Variants in CTNNA3 observed in about 807,000 individuals in gnomAD.
The protein encoded by CTNNA3 is catenin alpha-3.
CTNNA3 carries 76 observed loss-of-function variants against 95.7 expected under a neutral mutation model. That is an observed-to-expected ratio of 0.79 (90% CI 0.66 to 0.96). The LOEUF is 0.96. Among genes scored for constraint, CTNNA3 ranks in the 40% least tolerant of loss-of-function variants. CTNNA3 has a pLI of 0.00. For synonymous variants in CTNNA3, 431 were observed against 374.4 expected (o/e 1.15, Z -1.74); for missense variants, 1,191 against 1,089.8 (o/e 1.09, Z -1.31).
intron 10 of CTNNA3, among the ~76,000 whole-genome samples, chr10:66,556,408 A>T (rs1842390988): frequency 6.6e-6 from 1 of 151,990 alleles, no homozygotes; most frequent in African/African-American, 2.4e-5. Flanking sequence ...AGATTTCTGT[A>T]CCCCTATGTT....
At chr10:67,339,526 A>G (rs1842105730) in intron 5 of CTNNA3, among the ~76,000 whole-genome samples, 1 of 152,218 alleles carries the variant, frequency 6.6e-6, no homozygotes, top group South Asian at 2.1e-4. Flanking sequence ...GTTAATGTTT[A>G]TCCAACTCCG....
intron 12 of CTNNA3, 70 bp downstream of exon 12, chr10:66,379,082 G>A: frequency 3.2e-6 from 4 of 1,268,018 alleles, no homozygotes; most frequent in South Asian, 1.2e-5. Context: ...TTTCCCACAT[G>A]TATGAATATT....
chr10:66,466,197 CT>C (rs1838904350), intron 11 of CTNNA3, among the ~76,000 whole-genome samples: 1 of 151,986 alleles, frequency 6.6e-6, no homozygotes, highest in South Asian at 2.1e-4. Context: ...AACATCAACT[CT>C]TCCCTGGGTC....
intron 11 of CTNNA3, among the ~76,000 whole-genome samples, chr10:66,389,740 A>T (rs929226416): frequency 2.0e-5 from 3 of 151,484 alleles, no homozygotes; most frequent in Non-Finnish European, 4.4e-5. Context: ...AGAGAGAGAG[A>T]GAGAGAGAGA....
In CTNNA3 at chr10:66,539,137, T is replaced by C. The variant is rs145581004; in HGVS notation, c.1375-18364A>G. On this transcript the variant is annotated intron_variant, in intron 10 of 17. Transcript: ENST00000433211. ...CGACATTGGAAATGAGTCTCAATCATCAAGGTTTATTAGCCAGCTATAGTG... is the reference window on the plus strand; with the variant it reads ...CGACATTGGAAATGAGTCTCAATCACCAAGGTTTATTAGCCAGCTATAGTG... 1.2e-3 allele frequency among the ~76,000 whole-genome samples: 180 copies of C among 152,228 alleles called. 1 individual carries two copies. Among genetic ancestry groups the C allele is most frequent in the African/African-American group, 4.2e-3 (175 of 41,546 alleles).
chr10:66,830,762 A>G (rs1296196979), intron 7 of CTNNA3, among the ~76,000 whole-genome samples: 3 of 151,970 alleles, frequency 2.0e-5, no homozygotes, highest in East Asian at 1.9e-4. Context: ...GGCGCCCGCC[A>G]TCACGCCCGG....
At chr10:66,132,599 A>G (rs1194867604) in intron 13 of CTNNA3, among the ~76,000 whole-genome samples, 3 of 152,230 alleles carry the variant, frequency 2.0e-5, no homozygotes, top group Non-Finnish European at 4.4e-5. Context: ...ATATGCATGC[A>G]TATGTTTATT....
intron 1 of CTNNA3, among the ~76,000 whole-genome samples, chr10:67,711,211 A>G (rs1471076286): frequency 6.6e-6 from 1 of 152,198 alleles, no homozygotes; most frequent in African/African-American, 2.4e-5. Context: ...GTGGACTAAT[A>G]AAGTAAATTG....
At chr10:66,777,512 C>T (rs1031418016) in intron 7 of CTNNA3, among the ~76,000 whole-genome samples, 6 of 152,018 alleles carry the variant, frequency 3.9e-5, no homozygotes, top group African/African-American at 1.5e-4. Flanking sequence ...TTGTGGCTAC[C>T]TTCACAGCTC....
rs201311648 is a variant in CTNNA3 at position 66,775,555 on chromosome 10, G to T, written c.1048-31C>A. 4.8e-4 allele frequency: 703 copies of T among 1,461,718 alleles called. 2 individuals carry two copies. Among genetic ancestry groups the T allele is most frequent in the Non-Finnish European group, 6.1e-4 (647 of 1,055,272 alleles). 90.5% of individuals were successfully genotyped at this position (1,461,718 alleles called of 1,614,324 possible). A position where few individuals can be genotyped will look rare whatever the true frequency, so the allele number is the denominator to read the frequency against. ...AAGAAGAAAAAACGACATAAGCAAT[G>T]GTATCAATTAATCTTTATCACTTAG... On this transcript the variant is annotated intron_variant, in intron 7 of 17. Transcript: ENST00000433211.
chr10:66,328,379 T>C (rs533705740), intron 12 of CTNNA3, among the ~76,000 whole-genome samples: 1 of 152,192 alleles, frequency 6.6e-6, no homozygotes, highest in South Asian at 2.1e-4. Context: ...TAGTATCAAG[T>C]GGCAGCTAAG....
At chr10:66,323,341 G>A (rs867236651) in intron 12 of CTNNA3, among the ~76,000 whole-genome samples, 2 of 151,664 alleles carry the variant, frequency 1.3e-5, no homozygotes, top group African/African-American at 4.8e-5. Flanking sequence ...GTGATGATAT[G>A]AACAGGAGTT....
chr10:67,579,443 C>T (rs1842301295), intron 3 of CTNNA3, among the ~76,000 whole-genome samples: 1 of 152,032 alleles, frequency 6.6e-6, no homozygotes. Context: ...TTTCTTAATC[C>T]AGTCTATCAT....
At chr10:66,098,618 T>C (rs949750397) in intron 14 of CTNNA3, 1 of 152,186 alleles carries the variant, frequency 6.6e-6, no homozygotes, top group Non-Finnish European at 1.5e-5. Flanking sequence ...AGAAATTTTA[T>C]TCTCTTTTAA....
At chr10:66,615,780 G>C (rs1283688746) in intron 10 of CTNNA3, among the ~76,000 whole-genome samples, 1 of 151,886 alleles carries the variant, frequency 6.6e-6, no homozygotes, top group African/African-American at 2.4e-5. Context: ...TTGAACAAGA[G>C]AGCAAATGTC....
At chr10:66,974,836 T>A (rs1396819685) in intron 7 of CTNNA3, among the ~76,000 whole-genome samples, 2 of 152,076 alleles carry the variant, frequency 1.3e-5, no homozygotes, top group Admixed American at 1.3e-4. Flanking sequence ...TGTTGAAGAC[T>A]TTCATCTATA....
At chr10:67,282,684 ATTC>A (rs1429399263) in intron 5 of CTNNA3, among the ~76,000 whole-genome samples, 1 of 152,204 alleles carries the variant, frequency 6.6e-6, no homozygotes, top group Non-Finnish European at 1.5e-5. Flanking sequence ...CTCCAAATCC[ATTC>A]TTCTTTTTTC....
At chr10:66,900,191 G>A (rs1325835515) in intron 7 of CTNNA3, among the ~76,000 whole-genome samples, 2 of 152,154 alleles carry the variant, frequency 1.3e-5, no homozygotes, top group Non-Finnish European at 2.9e-5. Context: ...TGCAATACTT[G>A]CTGTTCTGCA....
At chr10:66,577,644 G>A (rs78535305) in intron 10 of CTNNA3, among the ~76,000 whole-genome samples, 2,950 of 152,006 alleles carry the variant, frequency 0.019, 74 homozygotes, top group African/African-American at 0.061. Context: ...GTAGGTTTGT[G>A]GCTTTATCTC....
Sources: allele counts gnomAD v4.1 joint callset (sites outside exome capture counted in the v4.1 genomes callset), GRCh38; gene constraint gnomAD v4.1.1; transcripts MANE v1.5; gene names NCBI Gene and HGNC (gene_info 2026-07-23, HGNC 2026-07-21).